The following DAD1 variants were observed in gnomAD, a reference collection of about 807,000 sequenced individuals.
The protein encoded by DAD1 is defender against cell death 1.
Under a neutral mutation model 9.0 loss-of-function variants are expected in DAD1, and 4 were observed. The ratio of observed to expected loss-of-function variants is 0.44; its 90% CI spans 0.22 to 1.01. The LOEUF (loss-of-function observed/expected upper bound fraction) is 1.01. DAD1 is among the 50% of genes least tolerant of loss of function. The pLI, the probability that DAD1 is intolerant of heterozygous loss-of-function variation, is 0.24. For missense variants in DAD1, 119 were observed against 137.3 expected (o/e 0.87, Z 0.67); for synonymous variants, 60 against 62.5 (o/e 0.96, Z 0.19).
intron 2 of DAD1, among the ~76,000 whole-genome samples, chr14:22,567,944 C>T (rs2037012279): frequency 6.6e-6 from 1 of 152,108 alleles, no homozygotes; most frequent in Non-Finnish European, 1.5e-5. Context: ...GAAAAGAATC[C>T]AGTCTGATGG....
rs565821129 is a variant in DAD1 at position 22,585,816 on chromosome 14, T to C, written c.211+3131A>G. On this transcript the variant is annotated intron_variant, in intron 1 of 2. Transcript: ENST00000250498. ...CACATGCAGAGGGAATAGAAGAGAA[T>C]AGACTGCCAAAAAAAAATAGAGAAG... Among the ~76,000 whole-genome samples, 23 of 152,182 alleles carry C rather than the reference T, an allele frequency of 1.5e-4. No individual in the cohort carries two copies. In the South Asian group the frequency reaches 4.6e-3, roughly 30 times the overall value.
intron 2 of DAD1, among the ~76,000 whole-genome samples, chr14:22,569,270 TAA>T (rs10692947): frequency 0.26 from 40,054 of 151,760 alleles, 5,460 homozygotes; most frequent in Admixed American, 0.29. Context: ...ATGTCTCTCC[TAA>T]AAATACAAAA....
intron 2 of DAD1, among the ~76,000 whole-genome samples, chr14:22,569,607 G>C (rs893537657): frequency 6.6e-6 from 1 of 152,194 alleles, no homozygotes; most frequent in East Asian, 1.9e-4. Flanking sequence ...TGCAACCTGA[G>C]GGGTGGGAAT....
intron 2 of DAD1, among the ~76,000 whole-genome samples, chr14:22,574,494 C>T (rs1026246337): frequency 2.0e-5 from 3 of 152,172 alleles, no homozygotes; most frequent in African/African-American, 4.8e-5. Flanking sequence ...AAGAACTCTA[C>T]TGCTAAAAAA....
At chr14:22,586,162 C>G (rs1344905078) in intron 1 of DAD1, among the ~76,000 whole-genome samples, 1 of 150,060 alleles carries the variant, frequency 6.7e-6, no homozygotes, top group Non-Finnish European at 1.5e-5. Context: ...GCCGAGATGG[C>G]GCACTCCAGC....
chr14:22,582,505 C>A (rs1209276838), intron 1 of DAD1, among the ~76,000 whole-genome samples: 7 of 151,874 alleles, frequency 4.6e-5, no homozygotes. Context: ...GCCTGGGCAA[C>A]AGAGCGAGAC....
At chr14:22,581,265 T>C (rs1055740822) in intron 1 of DAD1, among the ~76,000 whole-genome samples, 3 of 152,154 alleles carry the variant, frequency 2.0e-5, no homozygotes, top group Admixed American at 2.0e-4. Context: ...ATATGTACTA[T>C]GAAGAAAATA....
At position 22,582,876 on chromosome 14, in the gene DAD1, C is replaced by G. The variant is rs182133065; in HGVS notation, c.211+6071G>C. 6.7e-5 allele frequency among the ~76,000 whole-genome samples: 10 copies of G among 150,282 alleles called. No individual in the cohort carries two copies. In the East Asian group the frequency reaches 2.0e-3, roughly 30 times the overall value. On this transcript the variant is annotated intron_variant, in intron 1 of 2. Coordinates refer to ENST00000250498, the MANE Select transcript of DAD1 (RefSeq NM_001344.4). Reference sequence around the variant, plus strand: ...CAAAAATTAGCCGGGCATGGGGGAGCGTGCCTGTAATCCCAGCTACTCAGG... The same window carrying G: ...CAAAAATTAGCCGGGCATGGGGGAGGGTGCCTGTAATCCCAGCTACTCAGG...
At chr14:22,584,644 T>A (rs2037140263) in intron 1 of DAD1, among the ~76,000 whole-genome samples, 1 of 150,688 alleles carries the variant, frequency 6.6e-6, no homozygotes, top group Non-Finnish European at 1.5e-5. Flanking sequence ...AGGCAAATAG[T>A]TTGACACATG....
chr14:22,568,968 G>A (rs1266870817), intron 2 of DAD1, among the ~76,000 whole-genome samples: 1 of 152,038 alleles, frequency 6.6e-6, no homozygotes, highest in Middle Eastern at 3.2e-3. Context: ...CCAAGTGCTG[G>A]GATTACAGGC....
chr14:22,573,910 C>T (rs1681578), intron 2 of DAD1, among the ~76,000 whole-genome samples: 34,315 of 151,776 alleles, frequency 0.23, 4,884 homozygotes, highest in African/African-American at 0.41. Flanking sequence ...ATAGTCACTT[C>T]CACATTATTG....
At chr14:22,579,160 T>C (rs535674909) in intron 1 of DAD1, among the ~76,000 whole-genome samples, 1 of 151,478 alleles carries the variant, frequency 6.6e-6, no homozygotes, top group Non-Finnish European at 1.5e-5. Context: ...GAGAGATAAC[T>C]CATGAGAACT....
chr14:22,573,424 T>C (rs2037054566), intron 2 of DAD1, among the ~76,000 whole-genome samples: 1 of 152,066 alleles, frequency 6.6e-6, no homozygotes, highest in Non-Finnish European at 1.5e-5. Context: ...ATGAGTTAAA[T>C]TGTATTAAAA....
At chr14:22,573,087 C>T (rs944907156) in intron 2 of DAD1, among the ~76,000 whole-genome samples, 1 of 152,122 alleles carries the variant, frequency 6.6e-6, no homozygotes, top group Non-Finnish European at 1.5e-5. Flanking sequence ...AAACCTATAG[C>T]GAGGCCCTAA....
chr14:22,583,622 T>A (rs7154427), intron 1 of DAD1, among the ~76,000 whole-genome samples: 13,826 of 152,120 alleles, frequency 0.091, 1,194 homozygotes, highest in African/African-American at 0.22. Context: ...GGATTTTTTT[T>A]AAATAGACAA....
At position 22,565,101 on chromosome 14, in the gene DAD1, C is replaced by T. The variant is rs1287446281; in HGVS notation, c.*81G>A. 1 of 702,066 alleles carries T rather than the reference C, an allele frequency of 1.4e-6. No homozygotes were observed. Among genetic ancestry groups the T allele is most frequent in the African/African-American group, 1.7e-5 (1 of 57,204 alleles). The allele number at this position is 702,066 out of a possible 1,614,324, so 43.5% of individuals were successfully genotyped here. A position where few individuals can be genotyped will look rare whatever the true frequency, so the allele number is the denominator to read the frequency against. ...ATCCATGTGTCCAATAAGCTGCCAT[C>T]TCCAGAACTCTTATCCAGGAAATTC... On this transcript the variant is annotated 3_prime_UTR_variant, in exon 3 of 3. Coordinates refer to ENST00000250498, the MANE Select transcript of DAD1 (RefSeq NM_001344.4).
In DAD1 at chr14:22,588,935, T is replaced by C. The variant is rs369636622; in HGVS notation, c.211+12A>G. 1.4e-5 allele frequency: 23 copies of C among 1,613,590 alleles called. No individual in the cohort carries two copies. The highest frequency in any genetic ancestry group is 2.7e-5 in the African/African-American group (2 of 74,998). ...AACACATTATTATTATGATCACTTA[T>C]AGAACCATTACCCGCTAGGATGAAA... On this transcript the variant is annotated intron_variant, in intron 1 of 2. Coordinates refer to ENST00000250498, the MANE Select transcript of DAD1 (RefSeq NM_001344.4).
At chr14:22,568,958 C>A (rs1472536823) in intron 2 of DAD1, among the ~76,000 whole-genome samples, 2 of 152,186 alleles carry the variant, frequency 1.3e-5, no homozygotes, top group Non-Finnish European at 2.9e-5. Context: ...CTTGGCCTCC[C>A]CAAGTGCTGG....
At chr14:22,577,192 G>C (rs891102575) in intron 1 of DAD1, among the ~76,000 whole-genome samples, 1 of 152,226 alleles carries the variant, frequency 6.6e-6, no homozygotes, top group Non-Finnish European at 1.5e-5. Context: ...CCAGCACTTT[G>C]GGAGGCTGAA....
Sources: allele counts gnomAD v4.1 joint callset (sites outside exome capture counted in the v4.1 genomes callset), GRCh38; gene constraint gnomAD v4.1.1; transcripts MANE v1.5; gene names NCBI Gene and HGNC (gene_info 2026-07-23, HGNC 2026-07-21).